The following FNDC3B variants were observed in gnomAD, a reference collection of about 807,000 sequenced individuals.
FNDC3B encodes fibronectin type III domain containing 3B.
A neutral mutation model predicts 151.5 loss-of-function variants in FNDC3B; 12 were observed. The observed-to-expected ratio is 0.08, with a 90% CI of 0.05 to 0.13. The LOEUF is 0.13. Ranked by LOEUF, FNDC3B falls within the 10% of genes least tolerant of loss-of-function variation. The pLI is 1.00. For missense variants in FNDC3B, 1,214 were observed against 1,505.3 expected (o/e 0.81, Z 3.20); for synonymous variants, 528 against 549.0 (o/e 0.96, Z 0.54).
intron 7 of FNDC3B, among the ~76,000 whole-genome samples, chr3:172,291,464 A>C (rs548040313): frequency 1.3e-5 from 2 of 152,210 alleles, no homozygotes; most frequent in Admixed American, 6.5e-5. Flanking sequence ...ATAGACAGGA[A>C]TGATTTATAA....
In FNDC3B at chr3:172,347,306, C is replaced by A. The variant is rs763320285; in HGVS notation, c.2459C>A (p.Thr820Asn). 6.2e-7 allele frequency: 1 copy of A among 1,613,806 alleles called. No individual in the cohort carries two copies. The highest frequency in any genetic ancestry group is 1.3e-5 in the African/African-American group (1 of 74,872). The change falls in exon 21 of 26, where the codon ACC becomes AAC. Residue 820 changes from threonine to asparagine, a missense_variant. Physicochemically the swap from Thr to Asn is moderately conservative, Grantham distance 65. Coordinates refer to ENST00000415807, the MANE Select transcript of FNDC3B (RefSeq NM_022763.4). ...SLELIYHGTD[T>N]RFEIRDLLPA... ...GAACTCATTTATCATGGGACAGACA[C>A]CCGTTTTGAAATAAGAGACCTGTTG...
chr3:172,293,855 T>C (rs1350976826), intron 7 of FNDC3B, among the ~76,000 whole-genome samples: 1 of 152,234 alleles, frequency 6.6e-6, no homozygotes, highest in East Asian at 1.9e-4. Context: ...TTTCAAGTAT[T>C]TAATAATTCC....
chr3:172,248,225 G>A (rs1054680536), intron 5 of FNDC3B, among the ~76,000 whole-genome samples: 1 of 152,192 alleles, frequency 6.6e-6, no homozygotes, highest in Non-Finnish European at 1.5e-5. Flanking sequence ...AGATTGTGAA[G>A]TCTCAAGAAC....
intron 1 of FNDC3B, among the ~76,000 whole-genome samples, chr3:172,075,157 T>C (rs1717946731): frequency 6.6e-6 from 1 of 152,180 alleles, no homozygotes; most frequent in African/African-American, 2.4e-5. Flanking sequence ...CTTTTTATCT[T>C]GATAATTTAT....
rs11294678 is a variant in FNDC3B at position 172,244,617 on chromosome 3, C to CTTTTTTTTT, written c.265-2899_265-2891dup. On this transcript the variant is annotated intron_variant, in intron 4 of 25. Coordinates refer to ENST00000415807, the MANE Select transcript of FNDC3B (RefSeq NM_022763.4). Reference sequence around the variant, plus strand: ...TACTATTTCAGAATTAATATTTCACCTTTTTTTTTTTTTTTTTTTTTTTTT... The same window carrying CTTTTTTTTT: ...TACTATTTCAGAATTAATATTTCACCTTTTTTTTTTTTTTTTTTTTTTTTTTTTTTTTTT... Among the ~76,000 whole-genome samples, 106 of 73,098 alleles carry CTTTTTTTTT rather than the reference C, an allele frequency of 1.5e-3. 2 individuals carry two copies. The highest frequency in any genetic ancestry group is 1.9e-3 in the African/African-American group (30 of 15,946). 48.0% of individuals were successfully genotyped at this position (73,098 alleles called of 152,430 possible).
intron 4 of FNDC3B, among the ~76,000 whole-genome samples, chr3:172,247,137 G>T (rs1173069107): frequency 6.6e-6 from 1 of 152,192 alleles, no homozygotes; most frequent in Non-Finnish European, 1.5e-5. Context: ...GGCACAGAAA[G>T]CCTCTTTCTG....
At chr3:172,347,112 G>A (rs1400442165) in intron 20 of FNDC3B, 100 bp from the exon 21 acceptor site, 7 of 993,368 alleles carry the variant, frequency 7.0e-6, no homozygotes, top group Middle Eastern at 2.8e-4. Context: ...AATATTCTGG[G>A]GCATGTTGCT....
At chr3:172,324,089 C>T (rs1459902418) in intron 11 of FNDC3B, among the ~76,000 whole-genome samples, 1 of 152,066 alleles carries the variant, frequency 6.6e-6, no homozygotes, top group Non-Finnish European at 1.5e-5. Flanking sequence ...CAGGTTTGCG[C>T]AAGGCACACT....
rs140058088 is a variant in FNDC3B, at chr3:172,218,663, T to C, written c.188-8208T>C. ...CCAGTCCTGCAACAACCCTTGAAAT[T>C]AGCAGCTGTCATCCCTTTTGGTAGG... On this transcript the variant is annotated intron_variant, in intron 3 of 25. Coordinates refer to ENST00000415807, the MANE Select transcript of FNDC3B (RefSeq NM_022763.4). Among the ~76,000 whole-genome samples the C allele has an allele frequency of 6.9e-4, 105 of 152,334 alleles. 3 individuals are homozygous for C. The East Asian group carries it at 0.017, about 24-fold the overall frequency.
intron 22 of FNDC3B, among the ~76,000 whole-genome samples, chr3:172,353,981 A>G (rs2108327398): frequency 6.6e-6 from 1 of 152,088 alleles, no homozygotes; most frequent in Non-Finnish European, 1.5e-5. Context: ...AAAACTTTAG[A>G]TAGTCTTTGC....
At chr3:172,176,765 T>C (rs1723617837) in intron 3 of FNDC3B, among the ~76,000 whole-genome samples, 1 of 152,232 alleles carries the variant, frequency 6.6e-6, no homozygotes, top group South Asian at 2.1e-4. Context: ...AAAATTATTC[T>C]GTGATATTTG....
Position 172,334,949 on chromosome 3 carries a change from T to G in FNDC3B, c.1647T>G (p.Thr549=), listed in dbSNP as rs1272103464. The G allele has an allele frequency of 6.2e-7, 1 of 1,612,568 alleles. No homozygotes were observed. The highest frequency in any genetic ancestry group is 2.2e-5 in the East Asian group (1 of 44,864). ...KRSTQYKFRL[T]ASNTEGKSCP... is the part of the protein sequence containing the mutation. ...TTTCCTTGGTTGTGTTCTAGCTGAC[T>G]GCTTCTAATACGGAAGGAAAAAGCT... Residue 549 remains threonine, a synonymous_variant, in exon 15 of 26, where the codon ACT becomes ACG. Coordinates refer to ENST00000415807, the MANE Select transcript of FNDC3B (RefSeq NM_022763.4).
At chr3:172,147,919 A>C (rs1362362528) in intron 3 of FNDC3B, among the ~76,000 whole-genome samples, 1 of 152,096 alleles carries the variant, frequency 6.6e-6, no homozygotes, top group Non-Finnish European at 1.5e-5. Flanking sequence ...AAATAAGAAA[A>C]ATTGACTTAA....
At chr3:172,342,606 T>C (rs1212272124) in intron 17 of FNDC3B, among the ~76,000 whole-genome samples, 1 of 152,246 alleles carries the variant, frequency 6.6e-6, no homozygotes, top group Non-Finnish European at 1.5e-5. Flanking sequence ...TTTTCTGCTC[T>C]GTATGTGAGT....
intron 6 of FNDC3B, among the ~76,000 whole-genome samples, chr3:172,269,057 T>G (rs900486550): frequency 1.3e-5 from 2 of 152,224 alleles, no homozygotes; most frequent in Non-Finnish European, 2.9e-5. Context: ...CGTGGAAATA[T>G]GTTGAAATCT....
At chr3:172,376,702 G>T (rs979333998) in intron 23 of FNDC3B, among the ~76,000 whole-genome samples, 4 of 152,168 alleles carry the variant, frequency 2.6e-5, no homozygotes, top group Admixed American at 2.6e-4. Flanking sequence ...AAAATGTTCA[G>T]CCTTTAATAA....
chr3:172,277,588 A>G (rs1157898853), intron 6 of FNDC3B, among the ~76,000 whole-genome samples: 3 of 152,220 alleles, frequency 2.0e-5, no homozygotes, highest in African/African-American at 7.2e-5. Context: ...TTTAGTCCCT[A>G]ACAGTGTTCA....
At chr3:172,260,414 G>A (rs1363246069) in intron 6 of FNDC3B, among the ~76,000 whole-genome samples, 5 of 152,194 alleles carry the variant, frequency 3.3e-5, no homozygotes, top group African/African-American at 1.2e-4. Context: ...CATCTTTCAA[G>A]GCTTCATTTC....
intron 13 of FNDC3B, 57 bp downstream of exon 13, chr3:172,330,772 G>C: frequency 7.4e-7 from 1 of 1,350,852 alleles, no homozygotes; most frequent in Non-Finnish European, 1.0e-6. Context: ...TATTATTATA[G>C]CTACAGGGCA....
Sources: gnomAD v4.1 joint callset for allele counts (sites outside exome capture counted in the v4.1 genomes callset) on GRCh38, gnomAD v4.1.1 for gene constraint, MANE v1.5 for transcripts, NCBI Gene and HGNC (gene_info 2026-07-23, HGNC 2026-07-21) for gene names.